The following ANXA13 variants were observed in gnomAD, a reference collection of about 807,000 sequenced individuals.
ANXA13 encodes annexin A13, also known as annexin XIII.
In ANXA13, 36 loss-of-function variants were observed where a neutral mutation model predicts 46.6. The observed-to-expected ratio is 0.77, with a 90% CI of 0.59 to 1.02. The LOEUF (loss-of-function observed/expected upper bound fraction) is 1.02, where lower values mean the gene tolerates loss of function less well. ANXA13 is among the 50% of genes least tolerant of loss of function. The pLI, the probability that ANXA13 is intolerant of heterozygous loss-of-function variation, is 0.00. For synonymous variants in ANXA13, 163 were observed against 152.9 expected (o/e 1.07, Z -0.49); for missense variants, 417 against 396.5 (o/e 1.05, Z -0.44).
chr8:123,736,847 C>CTTTTT (rs34405438), intron 1 of ANXA13, among the ~76,000 whole-genome samples: 8 of 113,456 alleles, frequency 7.1e-5, no homozygotes, highest in African/African-American at 1.7e-4. Context: ...ATCCCCAGTG[C>CTTTTT]TTTTTTTTTT....
intron 8 of ANXA13, among the ~76,000 whole-genome samples, chr8:123,691,534 G>A (rs1306380466): frequency 1.3e-5 from 2 of 152,238 alleles, no homozygotes; most frequent in African/African-American, 4.8e-5. Context: ...GGGACTAACT[G>A]CTTATTTCTG....
chr8:123,726,441 A>T (rs1813995054), intron 1 of ANXA13, among the ~76,000 whole-genome samples: 1 of 152,204 alleles, frequency 6.6e-6, no homozygotes, highest in South Asian at 2.1e-4. Context: ...CAGGAGTGTA[A>T]ACAATGTGGG....
rs764441564 is a variant in ANXA13 at position 123,693,768 on chromosome 8, A to G, written c.483T>C (p.Asn161=). The G allele has an allele frequency of 3.1e-6, 5 of 1,614,074 alleles. No homozygotes were observed. Among genetic ancestry groups the G allele is most frequent in the Admixed American group, 1.7e-5 (1 of 60,022 alleles). The stretch of plus-strand genomic sequence containing the variant: ...GATCTTTGTCCACGTCATCTCCTTC[A>G]TTGCGATTAGCCTAGAAAAATTGAC... ...ILVSLLQANR[N]EGDDVDKDLA... Residue 161 remains asparagine (N), a synonymous_variant, in exon 7 of 11, where the codon AAT becomes AAC. Coordinates refer to ENST00000419625, the MANE Select transcript of ANXA13 (RefSeq NM_004306.4).
chr8:123,730,444 A>G (rs1231809416), intron 1 of ANXA13, among the ~76,000 whole-genome samples: 1 of 152,100 alleles, frequency 6.6e-6, no homozygotes, highest in Non-Finnish European at 1.5e-5. Flanking sequence ...CTTCCAAGGA[A>G]CTCTAATGTG....
rs1813685956 is a variant in ANXA13 at position 123,712,853 on chromosome 8, A to C, written c.16-100T>G. 6.0e-6 allele frequency: 6 copies of C among 994,424 alleles called. No homozygotes were observed. In the Admixed American group the frequency reaches 7.6e-5, roughly 13 times the overall value. 61.6% of individuals were successfully genotyped at this position (994,424 alleles called of 1,614,324 possible). A position where few individuals can be genotyped will look rare whatever the true frequency, so the allele number is the denominator to read the frequency against. ...AACTGGAGGACCAAATAGTCATCCT[A>C]ACCAGGGACCAGCTGTCACTTCACA... is the stretch of plus-strand genomic sequence containing the variant. On this transcript the variant is annotated intron_variant, in intron 1 of 10. Coordinates refer to ENST00000419625, the MANE Select transcript of ANXA13 (RefSeq NM_004306.4).
intron 1 of ANXA13, among the ~76,000 whole-genome samples, chr8:123,723,549 G>T (rs1813926749): frequency 1.3e-5 from 2 of 152,180 alleles, no homozygotes; most frequent in African/African-American, 4.8e-5. Context: ...AACAAATTGT[G>T]TGATCTCCTC....
intron 10 of ANXA13, 30 bp downstream of exon 10, chr8:123,684,580 C>T: frequency 6.8e-7 from 1 of 1,477,378 alleles, no homozygotes; most frequent in Non-Finnish European, 9.5e-7. Context: ...GAAGTTGCAG[C>T]CGCCTCTTTG....
At position 123,698,465 on chromosome 8, in the gene ANXA13, T is replaced by G. The variant is rs768384506; in HGVS notation, c.281A>C (p.Gln94Pro). 1.9e-6 allele frequency: 3 copies of G among 1,614,120 alleles called. No homozygotes were observed. In the African/African-American group the frequency reaches 4.0e-5, roughly 22 times the overall value. ...LDRPSEYAAR[Q>P]LQKAMKGLGT... ...CAGACCCTTCATAGCCTTCTGCAGC[T>G]GCCGGGCGGCGTACTCGCTGGGACG... Residue 94 changes from glutamine to proline, a missense_variant, in exon 4 of 11, where the codon CAG (glutamine) becomes CCG (proline). Physicochemically the swap from Gln to Pro is moderately conservative, Grantham distance 76. Transcript: ENST00000419625.
intron 2 of ANXA13, among the ~76,000 whole-genome samples, chr8:123,706,541 G>T (rs912939250): frequency 6.6e-6 from 1 of 152,118 alleles, no homozygotes; most frequent in Non-Finnish European, 1.5e-5. Flanking sequence ...CCTCCTTAGT[G>T]CCTCTCAGAT....
intron 1 of ANXA13, among the ~76,000 whole-genome samples, chr8:123,724,754 T>C (rs1813950348): frequency 6.6e-6 from 1 of 152,228 alleles, no homozygotes; most frequent in South Asian, 2.1e-4. Flanking sequence ...CTCTTCTGAT[T>C]AAGTCTTTGC....
intron 3 of ANXA13, 112 bp from the exon 4 acceptor site, chr8:123,698,671 G>A (rs1204605584): frequency 1.2e-5 from 14 of 1,167,906 alleles, no homozygotes. Flanking sequence ...CTGTGGACAT[G>A]AATTCTGCCA....
chr8:123,737,292 C>A (rs1332894133), intron 1 of ANXA13, 28 bp downstream of exon 1: 1 of 1,604,604 alleles, frequency 6.2e-7, no homozygotes, highest in African/African-American at 1.3e-5. Flanking sequence ...AAAATTAAAA[C>A]CAATTCCCAA....
At chr8:123,736,263 G>T (rs1042724449) in intron 1 of ANXA13, among the ~76,000 whole-genome samples, 1 of 152,196 alleles carries the variant, frequency 6.6e-6, no homozygotes. Flanking sequence ...TGCTCATAGT[G>T]TGCATGAAAT....
At position 123,712,887 on chromosome 8, in the gene ANXA13, C is replaced by T; in HGVS notation, c.16-134G>A. ...CCAGCTGTCACTTCACACACTGGTA[C>T]ATGCGGAAATCAGCTGGGGAGACTC... On this transcript the variant is annotated intron_variant, in intron 1 of 10. Transcript: ENST00000419625. 3 of 765,740 alleles carry T rather than the reference C, an allele frequency of 3.9e-6. No individual in the cohort carries two copies. In the South Asian group the frequency reaches 4.6e-5, roughly 12 times the overall value. The allele number at this position is 765,740 out of a possible 1,614,324, so 47.4% of individuals were successfully genotyped here.
chr8:123,682,978 C>T (rs909996566), intron 10 of ANXA13, among the ~76,000 whole-genome samples: 3 of 152,134 alleles, frequency 2.0e-5, no homozygotes, highest in African/African-American at 7.2e-5. Flanking sequence ...CTCTGGGGGT[C>T]ATTTGGAATC....
intron 2 of ANXA13, chr8:123,712,389 C>T: frequency 2.2e-6 from 1 of 458,304 alleles, no homozygotes; most frequent in East Asian, 4.3e-5. Context: ...CAGACTAATA[C>T]ACCAGGATTG....
chr8:123,706,253 A>G (rs960216062), intron 2 of ANXA13, among the ~76,000 whole-genome samples: 1 of 152,218 alleles, frequency 6.6e-6, no homozygotes, highest in African/African-American at 2.4e-5. Context: ...TTTAAAAAAA[A>G]ACTTCGGAGT....
At chr8:123,698,754 G>A (rs1167369068) in intron 3 of ANXA13, among the ~76,000 whole-genome samples, 195 bp from the exon 4 acceptor site, 1 of 152,174 alleles carries the variant, frequency 6.6e-6, no homozygotes. Flanking sequence ...TGGCAGAGAG[G>A]CAGAGAGGAG....
chr8:123,720,499 A>G (rs1442170648), intron 1 of ANXA13, among the ~76,000 whole-genome samples: 1 of 152,170 alleles, frequency 6.6e-6, no homozygotes, highest in Non-Finnish European at 1.5e-5. Context: ...TTCCTGAAAA[A>G]TATTTTAAAC....
Sources: gnomAD v4.1 joint callset for allele counts (sites outside exome capture counted in the v4.1 genomes callset) on GRCh38, gnomAD v4.1.1 for gene constraint, MANE v1.5 for transcripts, NCBI Gene and HGNC (gene_info 2026-07-23, HGNC 2026-07-21) for gene names.